Variants in DGKH observed in about 807,000 individuals in gnomAD.
DGKH encodes the protein diacylglycerol kinase eta.
DGKH carries 90 observed loss-of-function variants against 159.3 expected under a neutral mutation model. The ratio of observed to expected loss-of-function variants is 0.57; its 90% CI spans 0.48 to 0.67. DGKH has a LOEUF of 0.67. Among genes scored for constraint, DGKH ranks in the 30% least tolerant of loss-of-function variants. The pLI, the probability that DGKH is intolerant of heterozygous loss-of-function variation, is 0.00. For missense variants in DGKH, 1,181 were observed against 1,506.1 expected (o/e 0.78, Z 3.57); for synonymous variants, 536 against 553.8 (o/e 0.97, Z 0.45).
chr13:42,243,571 A>G (rs1448527968), downstream of DGKH, among the ~76,000 whole-genome samples: 1 of 152,146 alleles, frequency 6.6e-6, no homozygotes, highest in Non-Finnish European at 1.5e-5. Flanking sequence ...TGTTATGTGC[A>G]GTGATAAAAA....
At chr13:42,182,485 C>G (rs1420577286) in intron 13 of DGKH, among the ~76,000 whole-genome samples, 4 of 152,140 alleles carry the variant, frequency 2.6e-5, no homozygotes, top group African/African-American at 9.7e-5. Context: ...TAGAAAATGC[C>G]ATAGTATTTG....
At chr13:42,065,886 T>C (rs1455117135) in intron 1 of DGKH, among the ~76,000 whole-genome samples, 4 of 152,196 alleles carry the variant, frequency 2.6e-5, no homozygotes, top group Non-Finnish European at 5.9e-5. Flanking sequence ...TCATATGATA[T>C]ATAAAACATT....
At chr13:42,152,845 G>A (rs1359107668) in intron 3 of DGKH, among the ~76,000 whole-genome samples, 1 of 151,922 alleles carries the variant, frequency 6.6e-6, no homozygotes, top group African/African-American at 2.4e-5. Flanking sequence ...TCGCTGGGCC[G>A]AGTTCAAACC....
chr13:42,095,489 T>C (rs1420214535), intron 1 of DGKH, among the ~76,000 whole-genome samples: 1 of 152,088 alleles, frequency 6.6e-6, no homozygotes, highest in Non-Finnish European at 1.5e-5. Flanking sequence ...TAATGAGTGC[T>C]TAATACCTAT....
At chr13:42,187,824 C>T (rs1017074421) in intron 14 of DGKH, among the ~76,000 whole-genome samples, 1 of 152,208 alleles carries the variant, frequency 6.6e-6, no homozygotes, top group Non-Finnish European at 1.5e-5. Context: ...ATTTCCTAGA[C>T]ATTACAATTC....
In DGKH at chr13:42,234,611, A is replaced by C. The variant is rs1160384925; in HGVS notation, c.*5423A>C. 6.6e-6 allele frequency: 1 copy of C among 152,218 alleles called. No individual in the cohort carries two copies. The highest frequency in any genetic ancestry group is 2.4e-5 in the African/African-American group (1 of 41,452). The allele number at this position is 152,218 out of a possible 1,614,324, so 9.4% of individuals were successfully genotyped here. A position where few individuals can be genotyped will look rare whatever the true frequency, so the allele number is the denominator to read the frequency against. On this transcript the variant is annotated 3_prime_UTR_variant, in exon 30 of 30. Coordinates refer to ENST00000337343, the MANE Select transcript of DGKH (RefSeq NM_178009.5). Reference sequence around the variant, plus strand: ...GATAAGAGTGGGTTTGAAGTTTGGTAATACAAGTGGCAGTTTTAAAACACC... The same window carrying C: ...GATAAGAGTGGGTTTGAAGTTTGGTCATACAAGTGGCAGTTTTAAAACACC...
At chr13:42,173,824 G>A (rs556469379) in intron 11 of DGKH, among the ~76,000 whole-genome samples, 65 of 152,276 alleles carry the variant, frequency 4.3e-4, no homozygotes, top group Non-Finnish European at 7.6e-4. Context: ...ACTAATTGGA[G>A]AAATGGTAAG....
At position 42,227,898 on chromosome 13, in the gene DGKH, G is replaced by T. The variant is rs74652884; in HGVS notation, c.3574-1201G>T. Among the ~76,000 whole-genome samples the T allele has an allele frequency of 7.3e-3, 1,111 of 152,130 alleles. 10 individuals carry two copies. Among genetic ancestry groups the T allele is most frequent in the African/African-American group, 0.025 (1,045 of 41,502 alleles). ...GAAAAATAAATAAATTATAAAACAG[G>T]GTGGATATTTGGAATCTTTAACTTC... On this transcript the variant is annotated intron_variant, in intron 29 of 29. Transcript: ENST00000337343.
rs200846322 is a variant in DGKH at position 42,155,374 on chromosome 13, A to G, written c.468A>G (p.Val156=). The G allele has an allele frequency of 7.4e-5, 120 of 1,612,322 alleles. 1 individual carries two copies. In the Admixed American group the frequency reaches 2.0e-3, roughly 27 times the overall value. ...MEDWISSLKS[V]QTREPYEVAQ... Reference sequence around the variant, plus strand: ...ATTGGATCAGCTCACTGAAGTCTGTACAGACCAGAGAACCCTACGAGGTAA... The same window carrying G: ...ATTGGATCAGCTCACTGAAGTCTGTGCAGACCAGAGAACCCTACGAGGTAA... Residue 156 remains valine, a synonymous_variant, in exon 4 of 30, where the codon GTA becomes GTG. Transcript: ENST00000337343.
At chr13:42,075,974 G>A (rs1217979310) in intron 1 of DGKH, among the ~76,000 whole-genome samples, 2 of 152,078 alleles carry the variant, frequency 1.3e-5, no homozygotes, top group African/African-American at 4.8e-5. Context: ...TACAATAATA[G>A]CCTTTTCCTT....
At chr13:42,138,313 G>C (rs950875357) in intron 3 of DGKH, among the ~76,000 whole-genome samples, 9 of 152,190 alleles carry the variant, frequency 5.9e-5, no homozygotes, top group African/African-American at 2.2e-4. Flanking sequence ...AGAGCTAAAT[G>C]ACCATCTTTC....
intron 3 of DGKH, among the ~76,000 whole-genome samples, chr13:42,146,994 G>A (rs1329222109): frequency 7.2e-5 from 11 of 152,162 alleles, no homozygotes; most frequent in Non-Finnish European, 5.9e-5. Flanking sequence ...CTTAGACACT[G>A]TCAGGATGTT....
In DGKH at chr13:42,233,789, C is replaced by T. The variant is rs932573078; in HGVS notation, c.*4601C>T. On this transcript the variant is annotated 3_prime_UTR_variant, in exon 30 of 30. Coordinates refer to ENST00000337343, the MANE Select transcript of DGKH (RefSeq NM_178009.5). ...TTGTTCACAACTTAATCACGGGGGA[C>T]ATTTCAGAAAAATGTGTACTAAGTT... 6.6e-6 allele frequency: 1 copy of T among 152,174 alleles called. No homozygotes were observed. The highest frequency in any genetic ancestry group is 1.5e-5 in the Non-Finnish European group (1 of 68,038). The allele number at this position is 152,174 out of a possible 1,614,324, so 9.4% of individuals were successfully genotyped here. A position where few individuals can be genotyped will look rare whatever the true frequency, so the allele number is the denominator to read the frequency against.
At chr13:42,061,998 T>TGTGTGTGTGTGG (rs1244247638) in intron 1 of DGKH, among the ~76,000 whole-genome samples, 1 of 151,814 alleles carries the variant, frequency 6.6e-6, no homozygotes, top group Non-Finnish European at 1.5e-5. Flanking sequence ...GGTGTGTGTG[T>TGTGTGTGTGTGG]GTGTGTGTGT....
intron 1 of DGKH, among the ~76,000 whole-genome samples, chr13:42,091,772 A>C (rs764036241): frequency 1.3e-5 from 2 of 152,240 alleles, no homozygotes; most frequent in Non-Finnish European, 2.9e-5. Context: ...ATACTTGAAT[A>C]GACATTTCTT....
At chr13:42,143,496 C>A (rs1955629571) in intron 3 of DGKH, among the ~76,000 whole-genome samples, 1 of 152,150 alleles carries the variant, frequency 6.6e-6, no homozygotes, top group Admixed American at 6.5e-5. Flanking sequence ...CCTTGTACCT[C>A]TGGTAGAATT....
chr13:42,090,148 G>A (rs1429701465), intron 1 of DGKH, among the ~76,000 whole-genome samples: 1 of 152,142 alleles, frequency 6.6e-6, no homozygotes, highest in Non-Finnish European at 1.5e-5. Flanking sequence ...TGGAGCAACA[G>A]TCCTGGCATC....
At chr13:42,202,648 A>G (rs1214786490) in intron 20 of DGKH, among the ~76,000 whole-genome samples, 2 of 152,236 alleles carry the variant, frequency 1.3e-5, no homozygotes, top group Non-Finnish European at 2.9e-5. Flanking sequence ...TTGTTTCCCA[A>G]GCCACATTAT....
intron 11 of DGKH, among the ~76,000 whole-genome samples, chr13:42,172,994 C>T (rs1189375055): frequency 3.5e-5 from 5 of 143,462 alleles, no homozygotes; most frequent in African/African-American, 5.2e-5. Flanking sequence ...TTTTTTGAGA[C>T]AGGGTCTGGC....
Sources: allele counts gnomAD v4.1 joint callset (sites outside exome capture counted in the v4.1 genomes callset), GRCh38; gene constraint gnomAD v4.1.1; transcripts MANE v1.5; gene names NCBI Gene and HGNC (gene_info 2026-07-23, HGNC 2026-07-21).